The following CNTNAP2 variants were observed in gnomAD, a reference collection of about 807,000 sequenced individuals.
CNTNAP2 encodes the protein contactin-associated protein-like 2.
A neutral mutation model predicts 155.2 loss-of-function variants in CNTNAP2; 98 were observed. The observed-to-expected ratio is 0.63, with a 90% CI of 0.54 to 0.75. CNTNAP2 has a LOEUF of 0.75. Ranked by LOEUF, CNTNAP2 falls within the 30% of genes least tolerant of loss-of-function variation. CNTNAP2 has a pLI of 0.00. For synonymous variants in CNTNAP2, 651 were observed against 631.2 expected (o/e 1.03, Z -0.47); for missense variants, 1,727 against 1,688.1 (o/e 1.02, Z -0.40).
At chr7:148,198,405 A>G (rs1795311373) in intron 18 of CNTNAP2, among the ~76,000 whole-genome samples, 2 of 152,182 alleles carry the variant, frequency 1.3e-5, no homozygotes, top group Non-Finnish European at 2.9e-5. Flanking sequence ...TCTAATGTAG[A>G]TTCTTAACTG....
chr7:146,777,448 G>A (rs1416243237), intron 2 of CNTNAP2, among the ~76,000 whole-genome samples: 1 of 152,186 alleles, frequency 6.6e-6, no homozygotes, highest in African/African-American at 2.4e-5. Flanking sequence ...TACATGTAGG[G>A]CTTCACCCTT....
intron 9 of CNTNAP2, among the ~76,000 whole-genome samples, chr7:147,379,122 A>T (rs910177516): frequency 8.6e-5 from 13 of 152,018 alleles, no homozygotes; most frequent in African/African-American, 3.1e-4. Flanking sequence ...CCATGATTAT[A>T]AGTTTCCTGA....
In CNTNAP2 at chr7:148,366,098, GTGTATGCA is replaced by G. The variant is rs1798762118; in HGVS notation, c.3476-17536_3476-17529del. On this transcript the variant is annotated intron_variant, in intron 21 of 23. Transcript: ENST00000361727. ...TATGTGTGTGCATGTATACATGTATGTGTATGCATGTATGCATGTATGTGTATGCATGT... is the reference window on the plus strand; with the variant it reads ...TATGTGTGTGCATGTATACATGTATGTGTATGCATGTATGTGTATGCATGT... 2.3e-4 allele frequency among the ~76,000 whole-genome samples: 6 copies of G among 25,728 alleles called. 3 individuals carry two copies. The highest frequency in any genetic ancestry group is 4.7e-4 in the African/African-American group (6 of 12,742). The allele number at this position is 25,728 out of a possible 152,430, so 16.9% of individuals were successfully genotyped here.
intron 18 of CNTNAP2, among the ~76,000 whole-genome samples, chr7:148,186,634 T>C (rs1795120346): frequency 6.6e-6 from 1 of 152,150 alleles, no homozygotes; most frequent in South Asian, 2.1e-4. Flanking sequence ...GAAGAAACAG[T>C]GGGTGTCTGG....
At chr7:146,803,633 G>A (rs1802919237) in intron 2 of CNTNAP2, among the ~76,000 whole-genome samples, 1 of 152,114 alleles carries the variant, frequency 6.6e-6, no homozygotes, top group Non-Finnish European at 1.5e-5. Context: ...AGTCTAGCAG[G>A]AGCTTGGTAG....
At chr7:147,505,652 T>C (rs1291626563) in intron 11 of CNTNAP2, among the ~76,000 whole-genome samples, 1 of 152,208 alleles carries the variant, frequency 6.6e-6, no homozygotes, top group Non-Finnish European at 1.5e-5. Flanking sequence ...TTGCTTTCTC[T>C]TTTTCCAGCT....
chr7:146,811,245 C>T (rs1267601733), intron 2 of CNTNAP2, among the ~76,000 whole-genome samples: 1 of 152,054 alleles, frequency 6.6e-6, no homozygotes. Flanking sequence ...ATAAAATTCA[C>T]CAGTGATGCC....
chr7:147,732,558 G>A (rs1796761412), intron 13 of CNTNAP2, among the ~76,000 whole-genome samples: 1 of 152,128 alleles, frequency 6.6e-6, no homozygotes, highest in Admixed American at 6.5e-5. Flanking sequence ...ACCCAGTAAT[G>A]GGATGGCTGG....
intron 1 of CNTNAP2, among the ~76,000 whole-genome samples, chr7:146,578,328 C>T (rs12535047): frequency 0.36 from 54,019 of 151,794 alleles, 10,424 homozygotes; most frequent in African/African-American, 0.51. Context: ...GCTCAGAGAA[C>T]ATTTGAAGCA....
chr7:146,877,050 T>C (rs550799869), intron 3 of CNTNAP2, among the ~76,000 whole-genome samples: 1 of 152,272 alleles, frequency 6.6e-6, no homozygotes, highest in South Asian at 2.1e-4. Flanking sequence ...ATCTTAATGG[T>C]TATTTTGACT....
chr7:147,236,272 G>T (rs1451498506), intron 8 of CNTNAP2, among the ~76,000 whole-genome samples: 1 of 152,214 alleles, frequency 6.6e-6, no homozygotes, highest in Non-Finnish European at 1.5e-5. Context: ...CTGATACGCT[G>T]TGTGGGCTGC....
rs953866840 is a variant in CNTNAP2 at position 146,403,994 on chromosome 7, G to A, written c.97+287021G>A. Among the ~76,000 whole-genome samples, 7 of 150,628 alleles carry A rather than the reference G, an allele frequency of 4.6e-5. No individual in the cohort carries two copies. The East Asian group carries it at 7.8e-4, about 17-fold the overall frequency. On this transcript the variant is annotated intron_variant, in intron 1 of 23. Coordinates refer to ENST00000361727, the MANE Select transcript of CNTNAP2 (RefSeq NM_014141.6). ...CAAAAAATTAGCCGGGCGTAGTGGC[G>A]GGCGCCTGTAGTCCCAGCTACTTGG...
chr7:147,280,098 CT>C (rs565292569), intron 8 of CNTNAP2, among the ~76,000 whole-genome samples: 2 of 151,970 alleles, frequency 1.3e-5, no homozygotes, highest in Non-Finnish European at 2.9e-5. Context: ...ATTGTAAACT[CT>C]TTCTTGTGTA....
intron 8 of CNTNAP2, among the ~76,000 whole-genome samples, chr7:147,296,056 G>A (rs535793077): frequency 3.9e-5 from 6 of 152,238 alleles, no homozygotes; most frequent in South Asian, 2.1e-4. Flanking sequence ...AGAAATTGTC[G>A]TGGAATTCTC....
chr7:147,507,978 C>T (rs571669963), intron 11 of CNTNAP2, among the ~76,000 whole-genome samples: 1 of 152,108 alleles, frequency 6.6e-6, no homozygotes, highest in Non-Finnish European at 1.5e-5. Flanking sequence ...CCTTGTCCTC[C>T]AGTAGTGGTG....
At chr7:147,638,919 C>A in intron 12 of CNTNAP2, 187 bp from the exon 13 acceptor site, 1 of 677,444 alleles carries the variant, frequency 1.5e-6, no homozygotes, top group Non-Finnish European at 2.7e-6. Flanking sequence ...TACTTTCCTA[C>A]TTTGTCCTCA....
rs77306212 is a variant in CNTNAP2, at chr7:148,078,015, G to C, written c.2384-40103G>C. Among the ~76,000 whole-genome samples the C allele has an allele frequency of 9.5e-3, 1,444 of 152,128 alleles. 18 individuals carry two copies. Among genetic ancestry groups the C allele is most frequent in the African/African-American group, 0.024 (997 of 41,510 alleles). ...GAATATTACAATATTAATTTTAATA[G>C]AGTATGGTTTCAGATATTAAAAAGA... On this transcript the variant is annotated intron_variant, in intron 15 of 23. Coordinates refer to ENST00000361727, the MANE Select transcript of CNTNAP2 (RefSeq NM_014141.6).
chr7:146,724,755 G>A (rs1489940511), intron 1 of CNTNAP2, among the ~76,000 whole-genome samples: 1 of 151,650 alleles, frequency 6.6e-6, no homozygotes, highest in African/African-American at 2.4e-5. Context: ...ATTTTTAGTA[G>A]CGACAGCGTT....
intron 15 of CNTNAP2, among the ~76,000 whole-genome samples, chr7:148,035,784 G>A (rs1802563318): frequency 6.6e-6 from 1 of 152,194 alleles, no homozygotes; most frequent in African/African-American, 2.4e-5. Context: ...GCCTGGGAGA[G>A]ATGCAGGTAT....
Sources: allele counts gnomAD v4.1 joint callset (sites outside exome capture counted in the v4.1 genomes callset), GRCh38; gene constraint gnomAD v4.1.1; transcripts MANE v1.5; gene names NCBI Gene and HGNC (gene_info 2026-07-23, HGNC 2026-07-21).